DDX31: variants seen among roughly 807,000 people sequenced by gnomAD.
DDX31 encodes the protein ATP-dependent DNA helicase DDX31.
In DDX31, 70 loss-of-function variants were observed where a neutral mutation model predicts 91.3. The ratio of observed to expected loss-of-function variants is 0.77; its 90% CI spans 0.63 to 0.94. The LOEUF (loss-of-function observed/expected upper bound fraction) is 0.94, where lower values mean the gene tolerates loss of function less well. DDX31 is among the 40% of genes least tolerant of loss of function. DDX31 has a pLI of 0.00. For missense variants in DDX31, 902 were observed against 925.0 expected (o/e 0.98, Z 0.32); for synonymous variants, 362 against 350.6 (o/e 1.03, Z -0.36).
At chr9:132,617,163 G>A (rs1194609152) in intron 18 of DDX31, among the ~76,000 whole-genome samples, 4 of 152,070 alleles carry the variant, frequency 2.6e-5, no homozygotes, top group African/African-American at 4.8e-5. Context: ...CCTCGAGCTC[G>A]TCTGCACCAG....
intron 17 of DDX31, among the ~76,000 whole-genome samples, chr9:132,621,003 CA>C (rs1831994730): frequency 6.6e-6 from 1 of 152,216 alleles, no homozygotes; most frequent in Non-Finnish European, 1.5e-5. Flanking sequence ...AAAGGATGAG[CA>C]GGGGGCTCTG....
At chr9:132,668,495 T>G (rs549765078) in intron 1 of DDX31, among the ~76,000 whole-genome samples, 108 of 151,736 alleles carry the variant, frequency 7.1e-4, no homozygotes, top group African/African-American at 2.5e-3. Context: ...CTGAGCCAAG[T>G]ATGAGTGACC....
intron 19 of DDX31, among the ~76,000 whole-genome samples, chr9:132,608,647 T>C (rs1202468877): frequency 2.0e-5 from 3 of 152,212 alleles, no homozygotes; most frequent in Non-Finnish European, 4.4e-5. Context: ...TTCTAGGCAG[T>C]AAACACCGTA....
chr9:132,651,846 T>C (rs1238298937), intron 7 of DDX31, among the ~76,000 whole-genome samples: 2 of 152,196 alleles, frequency 1.3e-5, no homozygotes, highest in Non-Finnish European at 1.5e-5. Context: ...TGCTCCTTCA[T>C]TGGACTGAGC....
In DDX31 at chr9:132,630,412, G is replaced by C. The variant is rs780113834; in HGVS notation, c.1492-9C>G. On this transcript the variant is annotated splice_polypyrimidine_tract_variant and intron_variant, in intron 15 of 19. Transcript: ENST00000372159. Reference sequence around the variant, plus strand: ...GAAGATGGAGCGTTGTACTAAAAAGGGTAACAAAAATGAAGGCATTCATAG... The same window carrying C: ...GAAGATGGAGCGTTGTACTAAAAAGCGTAACAAAAATGAAGGCATTCATAG... 1.9e-6 allele frequency: 3 copies of C among 1,575,962 alleles called. No individual in the cohort carries two copies. The highest frequency in any genetic ancestry group is 2.7e-5 in the African/African-American group (2 of 74,260).
chr9:132,643,101 G>C (rs1380435469), intron 13 of DDX31, among the ~76,000 whole-genome samples: 2 of 152,190 alleles, frequency 1.3e-5, no homozygotes, highest in African/African-American at 2.4e-5. Flanking sequence ...TAGGATTACA[G>C]GCGTGAGCCA....
rs757509732 is a variant in DDX31 at position 132,648,545 on chromosome 9, G to T, written c.747C>A (p.Arg249=). ...EKRKSEKARL[R]KGINILISTP... ...TTGAGATAAGGATATTTATTCCTTT[G>T]CGGAGTCTGTTTAAAATTATATATC... Residue 249 remains arginine, a synonymous_variant, in exon 10 of 20, where the codon CGC becomes CGA. Coordinates refer to ENST00000372159, the MANE Select transcript of DDX31 (RefSeq NM_022779.9). 6 of 1,608,184 alleles carry T rather than the reference G, an allele frequency of 3.7e-6. No homozygotes were observed. The highest frequency in any genetic ancestry group is 4.2e-6 in the Non-Finnish European group (5 of 1,178,238).
chr9:132,603,347 C>T (rs1196737586), intron 19 of DDX31, among the ~76,000 whole-genome samples: 1 of 152,226 alleles, frequency 6.6e-6, no homozygotes, highest in African/African-American at 2.4e-5. Flanking sequence ...GAAGTCATTT[C>T]GTACAGGTTA....
At chr9:132,661,289 GA>G in intron 3 of DDX31, 38 bp from the exon 4 acceptor site, 7 of 1,471,980 alleles carry the variant, frequency 4.8e-6, no homozygotes, top group Non-Finnish European at 6.6e-6. Flanking sequence ...TTAATATTTT[GA>G]TACAAAATAT....
At chr9:132,646,185 AC>A (rs1833828784) in intron 12 of DDX31, 114 bp from the exon 13 acceptor site, 4 of 1,111,310 alleles carry the variant, frequency 3.6e-6, no homozygotes, top group Non-Finnish European at 3.8e-6. Context: ...AATAAAGGTG[AC>A]TATCTTTGAA....
chr9:132,653,494 C>CAAAAAAAA (rs71376648), intron 6 of DDX31, among the ~76,000 whole-genome samples: 11 of 20,644 alleles, frequency 5.3e-4, no homozygotes, highest in African/African-American at 8.9e-4. Flanking sequence ...AACTCAGTCT[C>CAAAAAAAA]AAAAAAAAAA....
chr9:132,625,748 G>A lies in DDX31; in HGVS notation c.1632-3C>T. On this transcript the variant is annotated splice_region_variant and splice_polypyrimidine_tract_variant and intron_variant, in intron 16 of 19. Coordinates refer to ENST00000372159, the MANE Select transcript of DDX31 (RefSeq NM_022779.9). The stretch of plus-strand genomic sequence containing the variant: ...CTTCCATCTTAATCTCAGAAACGCT[G>A]TAAAAGGAAGGGCACAGCAAGGTAA... The A allele has an allele frequency of 6.2e-7, 1 of 1,612,596 alleles. No homozygotes were observed. Among genetic ancestry groups the A allele is most frequent in the East Asian group, 2.2e-5 (1 of 44,834 alleles).
At position 132,658,638 on chromosome 9, in the gene DDX31, G is replaced by A. The variant is rs778479635; in HGVS notation, c.588+33C>T. On this transcript the variant is annotated intron_variant, in intron 6 of 19. Coordinates refer to ENST00000372159, the MANE Select transcript of DDX31 (RefSeq NM_022779.9). ...AGTTTGATGGTTGCTTATGCACTATGAGCAATGACAGAAAAACACATTTGA... is the reference window on the plus strand; with the variant it reads ...AGTTTGATGGTTGCTTATGCACTATAAGCAATGACAGAAAAACACATTTGA... 8.8e-6 allele frequency: 14 copies of A among 1,590,712 alleles called. No homozygotes were observed. In the South Asian group the frequency reaches 1.0e-4, roughly 11 times the overall value.
chr9:132,596,190 GT>G (rs1277345217), intron 19 of DDX31, among the ~76,000 whole-genome samples: 1 of 152,180 alleles, frequency 6.6e-6, no homozygotes, highest in East Asian at 1.9e-4. Flanking sequence ...AACTGAAACT[GT>G]GGTCAAAATA....
rs1834154848 is a variant in DDX31, at chr9:132,651,074, C to T, written c.675+1G>A. On this transcript the variant is annotated splice_donor_variant, in intron 8 of 19. Coordinates refer to ENST00000372159, the MANE Select transcript of DDX31 (RefSeq NM_022779.9). LOFTEE classifies it high-confidence loss of function. ...GAAATGGAACTCATGGTTTGCCTTA[C>T]CTTAAGCAGTTTCTGGACAGTGTCA... is the stretch of plus-strand genomic sequence containing the variant. 3 of 1,612,208 alleles carry T rather than the reference C, an allele frequency of 1.9e-6. No homozygotes were observed. The highest frequency in any genetic ancestry group is 2.2e-5 in the East Asian group (1 of 44,842).
Position 132,612,275 on chromosome 9 carries a change from G to A in DDX31, c.1826-20C>T. 1 of 1,613,932 alleles carries A rather than the reference G, an allele frequency of 6.2e-7. No homozygotes were observed. The highest frequency in any genetic ancestry group is 8.5e-7 in the Non-Finnish European group (1 of 1,179,962). ...GCAGAGCTGAAAGAAAAGAGAGCGG[G>A]GAGGGAAGCTGTCAGGACCGGGGTC... On this transcript the variant is annotated intron_variant, in intron 18 of 19. Transcript: ENST00000372159.
intron 15 of DDX31, among the ~76,000 whole-genome samples, chr9:132,630,683 G>C (rs1832667236): frequency 6.6e-6 from 1 of 152,184 alleles, no homozygotes; most frequent in South Asian, 2.1e-4. Flanking sequence ...TTCTCCACAG[G>C]TCTCTTCATT....
At chr9:132,638,014 A>G (rs1182053414) in intron 14 of DDX31, 2 of 1,137,884 alleles carry the variant, frequency 1.8e-6, no homozygotes, top group Non-Finnish European at 2.2e-6. Context: ...GTATGCTTCA[A>G]GCGGAAAAAA....
At chr9:132,640,436 T>C (rs1055750372) in intron 14 of DDX31, among the ~76,000 whole-genome samples, 2 of 152,046 alleles carry the variant, frequency 1.3e-5, no homozygotes, top group African/African-American at 2.4e-5. Context: ...AAGAGACAAA[T>C]AGGGGTCAGG....
Sources: gnomAD v4.1 joint callset for allele counts (sites outside exome capture counted in the v4.1 genomes callset) on GRCh38, gnomAD v4.1.1 for gene constraint, MANE v1.5 for transcripts, NCBI Gene and HGNC (gene_info 2026-07-23, HGNC 2026-07-21) for gene names.